Variants in PANX1 observed in about 807,000 individuals in gnomAD.
PANX1 encodes pannexin 1.
In PANX1, 30 loss-of-function variants were observed where a neutral mutation model predicts 38.7. That is an observed-to-expected ratio of 0.78 (90% CI 0.58 to 1.05). The LOEUF is 1.05. PANX1 is among the 50% of genes least tolerant of loss of function. The probability of loss-of-function intolerance (pLI) is 0.00; values close to 1 mark genes in which losing one functional copy is unlikely to be tolerated. For synonymous variants in PANX1, 230 were observed against 212.2 expected (o/e 1.08, Z -0.73); for missense variants, 551 against 517.2 (o/e 1.07, Z -0.63).
chr11:94,162,001 C>G (rs964775131), intron 2 of PANX1, among the ~76,000 whole-genome samples: 2 of 152,168 alleles, frequency 1.3e-5, no homozygotes, highest in African/African-American at 4.8e-5. Context: ...CCCTGTTTGC[C>G]TGGGTATCAG....
chr11:94,148,999 A>G (rs1298465562), intron 1 of PANX1, among the ~76,000 whole-genome samples: 1 of 152,126 alleles, frequency 6.6e-6, no homozygotes, highest in Admixed American at 6.5e-5. Flanking sequence ...CCACAAGATC[A>G]CTGTGCCTCA....
intron 2 of PANX1, among the ~76,000 whole-genome samples, chr11:94,176,512 C>A (rs561066656): frequency 6.6e-6 from 1 of 151,694 alleles, no homozygotes; most frequent in South Asian, 2.1e-4. Context: ...TTAGTCTTAA[C>A]AAATATATCA....
chr11:94,180,641 G>T, intron 4 of PANX1, 149 bp from the exon 5 acceptor site: 1 of 572,152 alleles, frequency 1.7e-6, no homozygotes, highest in Non-Finnish European at 3.1e-6. Context: ...CTTTCAAAGG[G>T]GACTAAAAGT....
intron 2 of PANX1, 94 bp downstream of exon 2, chr11:94,153,724 T>C: frequency 8.5e-7 from 1 of 1,177,384 alleles, no homozygotes; most frequent in Non-Finnish European, 1.2e-6. Context: ...ACAGATATTG[T>C]AGCCAACCAG....
rs148486076 is a variant in PANX1, at chr11:94,131,871, A to C, written c.181+2378A>C. Among the ~76,000 whole-genome samples the C allele has an allele frequency of 8.2e-3, 1,248 of 152,332 alleles. 11 individuals are homozygous for C. The highest frequency in any genetic ancestry group is 0.013 in the Non-Finnish European group (904 of 68,024). The stretch of plus-strand genomic sequence containing the variant: ...AGCCAAAAACAAACCAAAAAAAAGA[A>C]CAGCAATAAAGGGAGAATGAAGTAA... On this transcript the variant is annotated intron_variant, in intron 1 of 4. Transcript: ENST00000227638.
intron 2 of PANX1, among the ~76,000 whole-genome samples, chr11:94,159,341 T>C (rs1211629544): frequency 3.3e-5 from 5 of 152,218 alleles, no homozygotes; most frequent in Non-Finnish European, 7.3e-5. Context: ...CAGCTCCTCC[T>C]TGTACCTCTG....
At chr11:94,149,504 G>A (rs1042627044) in intron 1 of PANX1, among the ~76,000 whole-genome samples, 2 of 152,132 alleles carry the variant, frequency 1.3e-5, no homozygotes, top group East Asian at 1.9e-4. Context: ...GTGAGCACAC[G>A]TTTTCTCCTG....
At chr11:94,147,895 G>C (rs773716190) in intron 1 of PANX1, among the ~76,000 whole-genome samples, 1 of 152,150 alleles carries the variant, frequency 6.6e-6, no homozygotes, top group Non-Finnish European at 1.5e-5. Flanking sequence ...TATTCAACAG[G>C]GTTGGGGAGG....
chr11:94,137,070 C>A (rs1372233338), intron 1 of PANX1, among the ~76,000 whole-genome samples: 2 of 152,062 alleles, frequency 1.3e-5, no homozygotes, highest in Middle Eastern at 3.2e-3. Context: ...CTTTGGGAGG[C>A]CAAGGCGAGC....
At chr11:94,132,335 A>G (rs1200527106) in intron 1 of PANX1, among the ~76,000 whole-genome samples, 1 of 152,198 alleles carries the variant, frequency 6.6e-6, no homozygotes, top group African/African-American at 2.4e-5. Flanking sequence ...AGTGTGTACT[A>G]AAGCCTGATG....
intron 1 of PANX1, among the ~76,000 whole-genome samples, chr11:94,133,112 G>C (rs551066146): frequency 1.3e-5 from 2 of 152,366 alleles, no homozygotes; most frequent in East Asian, 3.9e-4. Context: ...GCAGCAGGCT[G>C]ATCTTTATCA....
At chr11:94,161,838 A>C (rs1947041408) in intron 2 of PANX1, among the ~76,000 whole-genome samples, 1 of 151,758 alleles carries the variant, frequency 6.6e-6, no homozygotes, top group South Asian at 2.1e-4. Context: ...TTTTTTCCCC[A>C]TCTTTGTGGT....
chr11:94,173,966 G>A (rs887959772), intron 2 of PANX1, among the ~76,000 whole-genome samples: 1 of 151,520 alleles, frequency 6.6e-6, no homozygotes, highest in African/African-American at 2.4e-5. Context: ...TGCTTTCAGG[G>A]AGAGTCTGTG....
At chr11:94,178,016 A>G (rs1383662945) in intron 2 of PANX1, among the ~76,000 whole-genome samples, 1 of 148,310 alleles carries the variant, frequency 6.7e-6, no homozygotes, top group Non-Finnish European at 1.5e-5. Context: ...AAAACCCAGC[A>G]GAAGCCTTCG....
intron 1 of PANX1, 125 bp downstream of exon 1, chr11:94,129,618 C>A: frequency 1.2e-6 from 1 of 805,324 alleles, no homozygotes; most frequent in Non-Finnish European, 1.9e-6. Flanking sequence ...TCAGGAAGGG[C>A]AGTGGCCCCA....
At chr11:94,156,134 A>G (rs1248533929) in intron 2 of PANX1, among the ~76,000 whole-genome samples, 2 of 152,144 alleles carry the variant, frequency 1.3e-5, no homozygotes, top group South Asian at 2.1e-4. Context: ...TTTTATCCAG[A>G]TGTATTTTAC....
At chr11:94,140,034 C>G (rs1946743500) in intron 1 of PANX1, among the ~76,000 whole-genome samples, 1 of 152,136 alleles carries the variant, frequency 6.6e-6, no homozygotes, top group Non-Finnish European at 1.5e-5. Flanking sequence ...TTGTGGGAAG[C>G]TGTAATAAAT....
chr11:94,167,560 A>G (rs1591522091), intron 2 of PANX1, among the ~76,000 whole-genome samples: 1 of 152,230 alleles, frequency 6.6e-6, no homozygotes. Context: ...AGAAATAGAA[A>G]CAAACCTGTT....
chr11:94,138,226 C>T (rs555258123), intron 1 of PANX1, among the ~76,000 whole-genome samples: 12 of 152,270 alleles, frequency 7.9e-5, no homozygotes, highest in South Asian at 4.1e-4. Context: ...AGTGGATTAT[C>T]GTCCACAGCT....
Sources: allele counts gnomAD v4.1 joint callset (sites outside exome capture counted in the v4.1 genomes callset), GRCh38; gene constraint gnomAD v4.1.1; transcripts MANE v1.5; gene names NCBI Gene and HGNC (gene_info 2026-07-23, HGNC 2026-07-21).